DST: variants seen among roughly 807,000 people sequenced by gnomAD.
DST encodes the protein bullous pemphigoid antigen.
Under a neutral mutation model 875.2 loss-of-function variants are expected in DST, and 253 were observed. The observed-to-expected ratio is 0.29, with a 90% CI of 0.26 to 0.32. DST has a LOEUF of 0.32. Among genes scored for constraint, DST ranks in the 10% least tolerant of loss-of-function variants. The pLI, the probability that DST is intolerant of heterozygous loss-of-function variation, is 1.00. For missense variants in DST, 8,287 were observed against 9,111.6 expected, an observed-to-expected ratio of 0.91 and a Z score of 3.68; for synonymous variants, 3,124 against 3,197.1, an observed-to-expected ratio of 0.98 and a Z score of 0.77.
chr6:56,725,444 T>A (rs943150324), intron 5 of DST, among the ~76,000 whole-genome samples: 2 of 152,188 alleles, frequency 1.3e-5, no homozygotes, highest in African/African-American at 4.8e-5. Context: ...TCTTTCTTCA[T>A]GACCCTAGCT....
intron 3 of DST, among the ~76,000 whole-genome samples, chr6:56,855,154 C>G: frequency 6.6e-6 from 1 of 152,148 alleles, no homozygotes. Flanking sequence ...TAGTTACAAG[C>G]CAAAAACCCA....
rs1266779083 is a variant in DST at position 56,553,076 on chromosome 6, T to C, written c.15716A>G (p.Asp5239Gly). Residue 5239 changes from aspartate to glycine, a missense_variant, in exon 61 of 104, where the codon GAT (aspartate) becomes GGT (glycine). Around this residue, in one of 10 missense-constraint regions of DST, gnomAD observed 1,513 missense variants for 1,677.8 expected, o/e 0.90. Coordinates refer to ENST00000680361, the MANE Select transcript of DST (RefSeq NM_001374736.1). ...ANSLLSVCEI[D>G]KEVVTDENKS... ...ATTCTCATCTGTAACAACTTCTTTATCTATCTCACAGACACTGAGCAAGCT... is the reference window on the plus strand; with the variant it reads ...ATTCTCATCTGTAACAACTTCTTTACCTATCTCACAGACACTGAGCAAGCT... 1 of 1,613,972 alleles carries C rather than the reference T, an allele frequency of 6.2e-7. No individual in the cohort carries two copies. The highest frequency in any genetic ancestry group is 1.7e-5 in the Admixed American group (1 of 60,028).
chr6:56,826,954 TATA>T (rs1262603347), intron 4 of DST, among the ~76,000 whole-genome samples: 1 of 152,158 alleles, frequency 6.6e-6, no homozygotes, highest in Non-Finnish European at 1.5e-5. Flanking sequence ...TGCTGGATGT[TATA>T]ATAAGTGCTT....
intron 36 of DST, chr6:56,615,930 A>T: frequency 6.2e-7 from 1 of 1,613,728 alleles, no homozygotes; most frequent in Non-Finnish European, 8.5e-7. Flanking sequence ...TGCTGGGCAA[A>T]CCCCTCATCA....
intron 2 of DST, among the ~76,000 whole-genome samples, chr6:56,914,985 A>G (rs1800259514): frequency 6.6e-6 from 1 of 152,234 alleles, no homozygotes; most frequent in Non-Finnish European, 1.5e-5. Flanking sequence ...TGCGGCAGCC[A>G]GAGCTCAGCT....
At chr6:56,871,358 G>A in intron 3 of DST, 3 of 1,084,072 alleles carry the variant, frequency 2.8e-6, no homozygotes, top group South Asian at 2.5e-5. Context: ...TACAGAAACA[G>A]TGTGTACCAT....
intron 3 of DST, among the ~76,000 whole-genome samples, chr6:56,865,291 G>A (rs868279777): frequency 6.6e-6 from 1 of 151,114 alleles, no homozygotes; most frequent in Non-Finnish European, 1.5e-5. Context: ...GTGTGTGTGT[G>A]TGTGTCTGTA....
rs530768142 is a variant in DST at position 56,568,019 on chromosome 6, A to T, written c.14005+450T>A. Among the ~76,000 whole-genome samples the T allele has an allele frequency of 3.2e-3, 480 of 152,310 alleles. 1 individual carries two copies. The highest frequency in any genetic ancestry group is 0.011 in the African/African-American group (454 of 41,572). On this transcript the variant is annotated intron_variant, in intron 55 of 103. Transcript: ENST00000680361. Reference sequence around the variant, plus strand: ...GAATGATGTACAGAATAAAATACGCAGGAATAAAATAACAGAGTGCCCACG... The same window carrying T: ...GAATGATGTACAGAATAAAATACGCTGGAATAAAATAACAGAGTGCCCACG...
chr6:56,498,165 A>T, intron 80 of DST, 112 bp from the exon 81 acceptor site: 1 of 1,065,152 alleles, frequency 9.4e-7, no homozygotes. Flanking sequence ...AAAACGTTAT[A>T]TGTGTAGAAT....
intron 4 of DST, among the ~76,000 whole-genome samples, chr6:56,814,596 A>C (rs894876015): frequency 6.6e-6 from 1 of 152,178 alleles, no homozygotes; most frequent in Admixed American, 6.5e-5. Flanking sequence ...GTTTCCTTCA[A>C]CAGCATTTGT....
At position 56,601,538 on chromosome 6, in the gene DST, G is replaced by C. The variant is rs1485438328; in HGVS notation, c.11446C>G (p.Gln3816Glu). The change falls in exon 44 of 104, where the codon CAG becomes GAG. Residue 3816 changes from glutamine to glutamate, a missense_variant. By Grantham distance (29) the Gln-to-Glu change is conservative (BLOSUM62 2). Coordinates refer to ENST00000680361, the MANE Select transcript of DST (RefSeq NM_001374736.1). ...KQLLRLLNTT[Q>E]KCFLDVQESV... The stretch of plus-strand genomic sequence containing the variant: ...TCCTGTACATCAAGAAAACACTTCT[G>C]AGTTGTATTTAAGAGCCTCAGCAGT... The C allele has an allele frequency of 6.2e-7, 1 of 1,605,748 alleles. No homozygotes were observed.
At chr6:56,554,909 ATAGTGAC>A (rs1242952500) in intron 60 of DST, among the ~76,000 whole-genome samples, 3 of 152,228 alleles carry the variant, frequency 2.0e-5, no homozygotes, top group Admixed American at 1.3e-4. Flanking sequence ...AGAGAGGAAA[ATAGTGAC>A]AAATGCCTCT....
At chr6:56,497,811 G>T in intron 81 of DST, 45 bp downstream of exon 81, 2 of 1,498,188 alleles carry the variant, frequency 1.3e-6, no homozygotes, top group Non-Finnish European at 9.0e-7. Flanking sequence ...TGCTATTTTG[G>T]TCTTGAATGC....
In DST at chr6:56,506,593, A is replaced by G. The variant is rs535107841; in HGVS notation, c.19363-49T>C. 22 of 1,607,276 alleles carry G rather than the reference A, an allele frequency of 1.4e-5. No individual in the cohort carries two copies. The South Asian group carries it at 2.3e-4, about 17-fold the overall frequency. ...TTTTAGTGCCATATTTTAAACTTTCAACTACTGTTAACAAAATATTTTAGT... is the reference window on the plus strand; with the variant it reads ...TTTTAGTGCCATATTTTAAACTTTCGACTACTGTTAACAAAATATTTTAGT... On this transcript the variant is annotated intron_variant, in intron 76 of 103. Coordinates refer to ENST00000680361, the MANE Select transcript of DST (RefSeq NM_001374736.1).
chr6:56,684,297 C>T (rs1388901571), intron 9 of DST, among the ~76,000 whole-genome samples: 4 of 152,022 alleles, frequency 2.6e-5, no homozygotes, highest in African/African-American at 9.7e-5. Context: ...GAAAATAATG[C>T]AATTTTTATT....
chr6:56,652,554 G>C lies in DST; in HGVS notation c.1215-1310C>G, dbSNP rs114208307. ...GGAGAAATGAAATGCAGATTATTTTGTATACTACTTGGCAGGCTGCTTATA... is the reference window on the plus strand; with the variant it reads ...GGAGAAATGAAATGCAGATTATTTTCTATACTACTTGGCAGGCTGCTTATA... On this transcript the variant is annotated intron_variant, in intron 10 of 103. Transcript: ENST00000680361. Among the ~76,000 whole-genome samples, 938 of 152,294 alleles carry C rather than the reference G, an allele frequency of 6.2e-3. 9 individuals carry two copies. The highest frequency in any genetic ancestry group is 0.021 in the African/African-American group (892 of 41,558).
intron 43 of DST, 55 bp from the exon 44 acceptor site, chr6:56,601,731 A>G (rs1213330280): frequency 1.0e-6 from 1 of 993,616 alleles, no homozygotes; most frequent in African/African-American, 1.6e-5. Flanking sequence ...GATAAAATTT[A>G]TATTAACAAT....
chr6:56,803,631 CCT>C (rs1417803687), intron 4 of DST, among the ~76,000 whole-genome samples: 3 of 152,134 alleles, frequency 2.0e-5, no homozygotes, highest in Non-Finnish European at 4.4e-5. Flanking sequence ...TCGTACAACC[CCT>C]GATATGAATC....
In DST at chr6:56,561,487, A is replaced by G; in HGVS notation, c.14131T>C (p.Leu4711=). 1 of 1,613,854 alleles carries G rather than the reference A, an allele frequency of 6.2e-7. No homozygotes were observed. Among genetic ancestry groups the G allele is most frequent in the Non-Finnish European group, 8.5e-7 (1 of 1,179,774 alleles). ...AGTTCCGCTATTTTGTCCTTGAGTA[A>G]GAGGCCAAGATCTTCATAACCATGA... ...ISHGYEDLGL[L]LKDKIAELNT... Residue 4711 remains leucine, a synonymous_variant, in exon 57 of 104, where the codon TTA becomes CTA. Coordinates refer to ENST00000680361, the MANE Select transcript of DST (RefSeq NM_001374736.1).
Sources: gnomAD v4.1 joint callset for allele counts (sites outside exome capture counted in the v4.1 genomes callset) on GRCh38, gnomAD v4.1.1 for gene constraint, gnomAD v4.1.1 regional missense constraint, MANE v1.5 for transcripts, NCBI Gene and HGNC (gene_info 2026-07-23, HGNC 2026-07-21) for gene names.